Variants in WWOX observed in about 807,000 individuals in gnomAD.
WWOX encodes the protein WW domain-containing oxidoreductase.
WWOX carries 69 observed loss-of-function variants against 46.2 expected under a neutral mutation model. The observed-to-expected ratio is 1.49, with a 90% confidence interval of 1.23 to 1.82. WWOX has a LOEUF of 1.82. WWOX is among the 40% of genes most tolerant of loss of function. The pLI is 0.00. For synonymous variants in WWOX, 359 were observed against 202.6 expected, an observed-to-expected ratio of 1.77 and a Z score of -6.56; for missense variants, 919 against 542.6, an observed-to-expected ratio of 1.69 and a Z score of -6.89.
intron 5 of WWOX, among the ~76,000 whole-genome samples, chr16:78,293,710 C>T (rs573122436): frequency 1.3e-5 from 2 of 152,140 alleles, no homozygotes; most frequent in South Asian, 4.2e-4. Context: ...GGGTGCGGTG[C>T]CTCAGGCCTG....
At chr16:78,660,501 T>C (rs988014002) in intron 8 of WWOX, among the ~76,000 whole-genome samples, 1 of 152,142 alleles carries the variant, frequency 6.6e-6, no homozygotes, top group Non-Finnish European at 1.5e-5. Context: ...TCAAAGCTCC[T>C]TCTGTCTTTT....
intron 5 of WWOX, among the ~76,000 whole-genome samples, chr16:78,259,563 C>T (rs2038224644): frequency 6.6e-6 from 1 of 151,586 alleles, no homozygotes; most frequent in Admixed American, 6.6e-5. Context: ...AGTGATCCAC[C>T]CACCTTGGCT....
intron 8 of WWOX, among the ~76,000 whole-genome samples, chr16:78,534,803 G>C (rs551740138): frequency 6.6e-6 from 1 of 151,726 alleles, no homozygotes; most frequent in African/African-American, 2.4e-5. Flanking sequence ...TCCACCTCCC[G>C]GGTTCAAGCG....
rs181871227 is a variant in WWOX at position 78,138,624 on chromosome 16, T to C, written c.409+23470T>C. Among the ~76,000 whole-genome samples, 590 of 152,294 alleles carry C rather than the reference T, an allele frequency of 3.9e-3. 3 individuals are homozygous for C. Among genetic ancestry groups the C allele is most frequent in the Middle Eastern group, 0.02 (6 of 294 alleles). On this transcript the variant is annotated intron_variant, in intron 4 of 8. Transcript: ENST00000566780. Reference sequence around the variant, plus strand: ...TCTTTTGAAAGAAGATTTTTTAAATTCCTTATTTTTCCTTTCTGCATGGTC... The same window carrying C: ...TCTTTTGAAAGAAGATTTTTTAAATCCCTTATTTTTCCTTTCTGCATGGTC...
intron 5 of WWOX, among the ~76,000 whole-genome samples, chr16:78,211,298 C>G (rs1438466509): frequency 6.6e-6 from 1 of 152,198 alleles, no homozygotes; most frequent in Admixed American, 6.5e-5. Flanking sequence ...TCACACGTCA[C>G]AAGGAGTCCA....
At chr16:79,009,509 C>G (rs1597270542) in intron 8 of WWOX, among the ~76,000 whole-genome samples, 1 of 151,986 alleles carries the variant, frequency 6.6e-6, no homozygotes, top group Admixed American at 6.6e-5. Context: ...GCTGTGTCAC[C>G]TAGGCTGGAG....
chr16:79,182,898 C>A (rs1281282628), intron 8 of WWOX, among the ~76,000 whole-genome samples: 1 of 152,132 alleles, frequency 6.6e-6, no homozygotes, highest in African/African-American at 2.4e-5. Context: ...TAACAAAAGC[C>A]TTCTGGGCTG....
intron 8 of WWOX, among the ~76,000 whole-genome samples, chr16:78,595,572 C>G (rs779192833): frequency 6.6e-6 from 1 of 152,214 alleles, no homozygotes; most frequent in Non-Finnish European, 1.5e-5. Flanking sequence ...AGTTAGCTAT[C>G]AGAGATATAC....
chr16:78,189,715 C>T (rs570624280), intron 5 of WWOX, among the ~76,000 whole-genome samples: 7 of 152,174 alleles, frequency 4.6e-5, no homozygotes, highest in African/African-American at 1.7e-4. Context: ...AGTGCAATGG[C>T]GTGATCTTGG....
rs140356077 is a variant in WWOX at position 78,189,035 on chromosome 16, C to T, written c.516+24746C>T. 4.4e-3 allele frequency among the ~76,000 whole-genome samples: 673 copies of T among 152,224 alleles called. 3 individuals are homozygous for T. The highest frequency in any genetic ancestry group is 0.015 in the African/African-American group (641 of 41,528). On this transcript the variant is annotated intron_variant, in intron 5 of 8. Transcript: ENST00000566780. ...AGGTGCAGGCAGAGTCAAGGTCATG[C>T]CTGAGGCCCAACCTTCCTGTTGAAG... is the stretch of plus-strand genomic sequence containing the variant.
rs1165500627 is a variant in WWOX, at chr16:78,501,953, C to T, written c.1056+69201C>T. On this transcript the variant is annotated intron_variant, in intron 8 of 8. Coordinates refer to ENST00000566780, the MANE Select transcript of WWOX (RefSeq NM_016373.4). ...CCTGCCCATCGTCAGATTTCGGTTCCTCTCAGAGTTAACGTAGAAGGTTTC... is the reference window on the plus strand; with the variant it reads ...CCTGCCCATCGTCAGATTTCGGTTCTTCTCAGAGTTAACGTAGAAGGTTTC... 2.6e-5 allele frequency among the ~76,000 whole-genome samples: 4 copies of T among 152,144 alleles called. No individual in the cohort carries two copies. In the East Asian group the frequency reaches 7.7e-4, roughly 29 times the overall value.
chr16:78,745,929 C>G (rs138821410), intron 8 of WWOX, among the ~76,000 whole-genome samples: 1 of 152,052 alleles, frequency 6.6e-6, no homozygotes, highest in Non-Finnish European at 1.5e-5. Flanking sequence ...GAAAACACTC[C>G]CGCTGCTCCT....
In WWOX at chr16:78,251,892, C is replaced by G. The variant is rs371770721; in HGVS notation, c.516+87603C>G. Among the ~76,000 whole-genome samples, 3 of 152,212 alleles carry G rather than the reference C, an allele frequency of 2.0e-5. No individual in the cohort carries two copies. In the East Asian group the frequency reaches 5.8e-4, roughly 29 times the overall value. ...TATGTGTGGATTTCATTTATCCATG[C>G]TATCTCTTCCCTCCATTAGCATGGT... is the stretch of plus-strand genomic sequence containing the variant. On this transcript the variant is annotated intron_variant, in intron 5 of 8. Transcript: ENST00000566780.
intron 8 of WWOX, among the ~76,000 whole-genome samples, chr16:78,441,282 A>G (rs1193369089): frequency 6.6e-6 from 1 of 152,150 alleles, no homozygotes; most frequent in Admixed American, 6.5e-5. Flanking sequence ...TTGCCTTCAC[A>G]CTACTGTATC....
In WWOX at chr16:78,356,071, T is replaced by TAAAAAAAAAAAAAAAAAAAAAAA. The variant is rs61113878; in HGVS notation, c.517-30767_517-30766insAAAAAAAAAAAAAAAAAAAAAAA. ...TATGACCACCAAGATTTTTTTTTCCTAAAAAAAAAAAAAAAAAAAAAAGAA... is the reference window on the plus strand; with the variant it reads ...TATGACCACCAAGATTTTTTTTTCCTAAAAAAAAAAAAAAAAAAAAAAAAAAAAAAAAAAAAAAAAAAAAAGAA... On this transcript the variant is annotated intron_variant, in intron 5 of 8. Transcript: ENST00000566780. Among the ~76,000 whole-genome samples, 39 of 76,136 alleles carry TAAAAAAAAAAAAAAAAAAAAAAA rather than the reference T, an allele frequency of 5.1e-4. 2 individuals carry two copies. The highest frequency in any genetic ancestry group is 1.6e-3 in the African/African-American group (35 of 21,592). 49.9% of individuals were successfully genotyped at this position (76,136 alleles called of 152,430 possible). A position where few individuals can be genotyped will look rare whatever the true frequency, so the allele number is the denominator to read the frequency against.
At chr16:78,405,965 C>T (rs964289229) in intron 6 of WWOX, among the ~76,000 whole-genome samples, 5 of 152,066 alleles carry the variant, frequency 3.3e-5, no homozygotes, top group African/African-American at 1.2e-4. Context: ...AAAGAATTCT[C>T]TTATGCACAT....
chr16:78,818,362 G>A (rs1249677204), intron 8 of WWOX, among the ~76,000 whole-genome samples: 4 of 152,210 alleles, frequency 2.6e-5, no homozygotes. Context: ...CTGTTGATTA[G>A]GGTTGGTTGA....
At chr16:78,865,763 C>A (rs183638889) in intron 8 of WWOX, among the ~76,000 whole-genome samples, 1 of 152,206 alleles carries the variant, frequency 6.6e-6, no homozygotes, top group South Asian at 2.1e-4. Context: ...GCCTGTAATC[C>A]CAGCTACTCA....
At chr16:78,918,439 C>A (rs1429584252) in intron 8 of WWOX, among the ~76,000 whole-genome samples, 1 of 151,956 alleles carries the variant, frequency 6.6e-6, no homozygotes, top group African/African-American at 2.4e-5. Context: ...TATTTTCTGG[C>A]AGGGCTGGAC....
Sources: allele counts gnomAD v4.1 joint callset (sites outside exome capture counted in the v4.1 genomes callset), GRCh38; gene constraint gnomAD v4.1.1; transcripts MANE v1.5; gene names NCBI Gene and HGNC (gene_info 2026-07-23, HGNC 2026-07-21).